GEN1: variants seen among roughly 807,000 people sequenced by gnomAD.
The protein encoded by GEN1 is flap endonuclease GEN homolog 1.
In GEN1, 64 loss-of-function variants were observed where a neutral mutation model predicts 67.6. That is an observed-to-expected ratio of 0.95 (90% CI 0.77 to 1.17). GEN1 has a LOEUF of 1.17. Ranked by LOEUF, GEN1 falls within the 50% of genes most tolerant of loss-of-function variation. The probability of loss-of-function intolerance (pLI) is 0.00; values close to 1 mark genes in which losing one functional copy is unlikely to be tolerated. For synonymous variants in GEN1, 371 were observed against 359.4 expected (o/e 1.03, Z -0.37); for missense variants, 1,058 against 1,048.3 (o/e 1.01, Z -0.13).
Position 17,787,414 on chromosome 2 carries a change from CTT to C in GEN1, c.*5476_*5477del, listed in dbSNP as rs1438623731. The C allele has an allele frequency of 6.6e-6, 1 of 152,232 alleles. No homozygotes were observed. Among genetic ancestry groups the C allele is most frequent in the Non-Finnish European group, 1.5e-5 (1 of 68,058 alleles). The allele number at this position is 152,232 out of a possible 1,614,324, so 9.4% of individuals were successfully genotyped here. On this transcript the variant is annotated 3_prime_UTR_variant, in exon 14 of 14. Coordinates refer to ENST00000381254, the MANE Select transcript of GEN1 (RefSeq NM_001130009.3). Reference sequence around the variant, plus strand: ...GTTTGACTCTTCTGCCTCACCAACTCTTACCCATCGAGATTCAGTGTAAACGT... The same window carrying C: ...GTTTGACTCTTCTGCCTCACCAACTCACCCATCGAGATTCAGTGTAAACGT...
intron 1 of GEN1, among the ~76,000 whole-genome samples, chr2:17,758,373 T>A (rs567002209): frequency 5.9e-5 from 9 of 152,350 alleles, no homozygotes; most frequent in Non-Finnish European, 1.2e-4. Context: ...AAAGCAAAAC[T>A]GTCAATAACT....
At position 17,767,608 on chromosome 2, in the gene GEN1, C is replaced by T. The variant is rs1444659235; in HGVS notation, c.636+919C>T. Among the ~76,000 whole-genome samples, 8 of 152,186 alleles carry T rather than the reference C, an allele frequency of 5.3e-5. No individual in the cohort carries two copies. The South Asian group carries it at 6.2e-4, about 12-fold the overall frequency. ...GTAATTCTCCTTCTAAAGTAAAAGA[C>T]GATTTCCTAAATAAAATTATATCAT... On this transcript the variant is annotated intron_variant, in intron 5 of 13. Transcript: ENST00000381254.
At chr2:17,778,572 T>C (rs374227900) in intron 12 of GEN1, among the ~76,000 whole-genome samples, 1 of 149,316 alleles carries the variant, frequency 6.7e-6, no homozygotes, top group African/African-American at 2.5e-5. Context: ...TTTTGACTAA[T>C]AGTAAATATG....
Position 17,780,749 on chromosome 2 carries a change from C to T in GEN1, c.1537C>T (p.Pro513Ser), listed in dbSNP as rs769165697. 1.2e-6 allele frequency: 2 copies of T among 1,613,794 alleles called. No individual in the cohort carries two copies. Among genetic ancestry groups the T allele is most frequent in the African/African-American group, 1.3e-5 (1 of 74,918 alleles). Residue 513 changes from proline (P) to serine (S), a missense_variant, in exon 14 of 14, where the codon CCT (proline) becomes TCT (serine). By Grantham distance (74) the Pro-to-Ser change is moderately conservative (BLOSUM62 -1). Coordinates refer to ENST00000381254, the MANE Select transcript of GEN1 (RefSeq NM_001130009.3). ...TTCCAAGTTAAATTCGGGGATTTCC[C>T]CTGATCCTACATTACCACAGGAATC... Reference protein sequence around the residue: ...QNSKLNSGISPDPTLPQESIS... With the variant: ...QNSKLNSGISSDPTLPQESIS...
At position 17,782,044 on chromosome 2, in the gene GEN1, C is replaced by G. The variant is rs78136924; in HGVS notation, c.*105C>G. On this transcript the variant is annotated 3_prime_UTR_variant, in exon 14 of 14. Coordinates refer to ENST00000381254, the MANE Select transcript of GEN1 (RefSeq NM_001130009.3). ...TGTGTGGTAAAAATTTTAATGTTCT[C>G]TGTGTCATGAAACACTTGCCATTTT... 8,948 of 631,850 alleles carry G rather than the reference C, an allele frequency of 0.014. 81 individuals carry two copies. The highest frequency in any genetic ancestry group is 0.018 in the Non-Finnish European group (6,673 of 374,806). The allele number at this position is 631,850 out of a possible 1,614,324, so 39.1% of individuals were successfully genotyped here.
In GEN1 at chr2:17,768,796, A is replaced by C; in HGVS notation, c.695A>C (p.Gln232Pro). 1 of 1,604,080 alleles carries C rather than the reference A, an allele frequency of 6.2e-7. No homozygotes were observed. Among genetic ancestry groups the C allele is most frequent in the South Asian group, 1.1e-5 (1 of 90,642 alleles). ...ALKLIQILKG[Q>P]SLLQRFNRWN... ...AAACTTATACAGATTTTGAAAGGGC[A>C]AAGTTTACTTCAGAGGTAACTAATA... Residue 232 changes from glutamine to proline, a missense_variant, in exon 6 of 14, where the codon CAA becomes CCA. By Grantham distance (76) the Gln-to-Pro change is moderately conservative. Coordinates refer to ENST00000381254, the MANE Select transcript of GEN1 (RefSeq NM_001130009.3).
At chr2:17,757,310 C>T (rs1671475342) in intron 1 of GEN1, among the ~76,000 whole-genome samples, 1 of 149,754 alleles carries the variant, frequency 6.7e-6, no homozygotes, top group Non-Finnish European at 1.5e-5. Flanking sequence ...AACAGCTTTA[C>T]ACAATGATCT....
chr2:17,775,308 C>T (rs2125154126), intron 11 of GEN1, among the ~76,000 whole-genome samples: 1 of 152,024 alleles, frequency 6.6e-6, no homozygotes, highest in East Asian at 1.9e-4. Context: ...AAACTTGGTC[C>T]AAAAAAATTA....
intron 11 of GEN1, among the ~76,000 whole-genome samples, chr2:17,775,168 T>C (rs147931918): frequency 6.6e-6 from 1 of 152,248 alleles, no homozygotes; most frequent in African/African-American, 2.4e-5. Context: ...CTCAAAAAGA[T>C]GAAGACATAT....
chr2:17,781,766 C>T lies in GEN1; in HGVS notation c.2554C>T (p.Gln852Ter). 1.2e-6 allele frequency: 2 copies of T among 1,612,954 alleles called. No homozygotes were observed. The highest frequency in any genetic ancestry group is 1.7e-6 in the Non-Finnish European group (2 of 1,179,594). Reference sequence around the variant, plus strand: ...TAAGATACATATTAAAGAAACTGAACAGTGTGTCAGATCTTATGAAACAGC... The same window carrying T: ...TAAGATACATATTAAAGAAACTGAATAGTGTGTCAGATCTTATGAAACAGC... ...SPKIHIKETE[Q>*]CVRSYETAEN... is the part of the protein sequence containing the mutation. Residue 852 changes from glutamine (Q) to a stop codon, truncating the protein, a stop_gained, in exon 14 of 14, where the codon CAG (glutamine) becomes TAG (stop). Coordinates refer to ENST00000381254, the MANE Select transcript of GEN1 (RefSeq NM_001130009.3). LOFTEE classifies it low-confidence loss of function (END_TRUNC).
At chr2:17,768,635 T>G in intron 5 of GEN1, 103 bp from the exon 6 acceptor site, 1 of 793,056 alleles carries the variant, frequency 1.3e-6, no homozygotes, top group Non-Finnish European at 2.1e-6. Flanking sequence ...TATTGAAGAG[T>G]TACCTCATTC....
At chr2:17,777,746 CAAA>C (rs1003015868) in intron 11 of GEN1, among the ~76,000 whole-genome samples, 5 of 151,874 alleles carry the variant, frequency 3.3e-5, no homozygotes, top group Non-Finnish European at 1.5e-5. Context: ...AATTTTAAAA[CAAA>C]AATCATTATT....
At chr2:17,775,006 TGAA>T (rs1161575220) in intron 11 of GEN1, among the ~76,000 whole-genome samples, 1 of 152,010 alleles carries the variant, frequency 6.6e-6, no homozygotes, top group Non-Finnish European at 1.5e-5. Context: ...ATAAAAGAAT[TGAA>T]GAAGAAAGCT....
At chr2:17,754,773 G>T (rs1671327062) in intron 1 of GEN1, 1 of 152,208 alleles carries the variant, frequency 6.6e-6, no homozygotes, top group South Asian at 2.1e-4. Context: ...TTACTTTAAG[G>T]TATTGTAGTT....
At chr2:17,778,322 A>ATGTGTGTG (rs10626432) in intron 12 of GEN1, among the ~76,000 whole-genome samples, 1 of 19,122 alleles carries the variant, frequency 5.2e-5, no homozygotes, top group African/African-American at 1.6e-4. Context: ...ATACACACAC[A>ATGTGTGTG]CGTGTACATA....
chr2:17,788,193 C>G lies in GEN1; in HGVS notation c.*6254C>G, dbSNP rs181552097. The G allele has an allele frequency of 1.9e-4, 29 of 152,320 alleles. No homozygotes were observed. The East Asian group carries it at 4.8e-3, about 25-fold the overall frequency. The allele number at this position is 152,320 out of a possible 1,614,324, so 9.4% of individuals were successfully genotyped here. ...TAAATAGTATTACTGAAGGCAGCCT[C>G]CTTTCATCTATATATTAACGTGGCA... On this transcript the variant is annotated 3_prime_UTR_variant, in exon 14 of 14. Coordinates refer to ENST00000381254, the MANE Select transcript of GEN1 (RefSeq NM_001130009.3).
At chr2:17,771,571 A>G (rs530492913) in intron 7 of GEN1, among the ~76,000 whole-genome samples, 2 of 152,280 alleles carry the variant, frequency 1.3e-5, no homozygotes, top group Admixed American at 1.3e-4. Context: ...TTCAATATAG[A>G]AATCCATTTT....
intron 1 of GEN1, 36 bp from the exon 2 acceptor site, chr2:17,759,893 T>C: frequency 6.4e-7 from 1 of 1,570,074 alleles, no homozygotes; most frequent in South Asian, 1.1e-5. Flanking sequence ...TTCTGTTTCT[T>C]TAACAATATT....
Position 17,772,729 on chromosome 2 carries a change from TGGCACCGTACA to T in GEN1, c.900_910del (p.Trp300Ter), listed in dbSNP as rs1374683798. On this transcript the variant is annotated frameshift_variant, in exon 8 of 14. Coordinates refer to ENST00000381254, the MANE Select transcript of GEN1 (RefSeq NM_001130009.3). LOFTEE classifies it high-confidence loss of function. ...CTATGAATACTGCTGTCCTTGTGAGTGGCACCGTACAGAACATGATAGGCAACTCAGTGAAG... is the reference window on the plus strand; with the variant it reads ...CTATGAATACTGCTGTCCTTGTGAGTGAACATGATAGGCAACTCAGTGAAG... 1 of 1,612,238 alleles carries T rather than the reference TGGCACCGTACA, an allele frequency of 6.2e-7. No homozygotes were observed. The highest frequency in any genetic ancestry group is 2.2e-5 in the East Asian group (1 of 44,802).
Sources: gnomAD v4.1 joint callset for allele counts (sites outside exome capture counted in the v4.1 genomes callset) on GRCh38, gnomAD v4.1.1 for gene constraint, MANE v1.5 for transcripts, NCBI Gene and HGNC (gene_info 2026-07-23, HGNC 2026-07-21) for gene names.